The following C22orf23 variants were observed in gnomAD, a reference collection of about 807,000 sequenced individuals.
C22orf23 encodes the protein chromosome 22 open reading frame 23, also known as UPF0193 protein EVG1.
In C22orf23, 30 loss-of-function variants were observed where a neutral mutation model predicts 29.7. The observed-to-expected ratio is 1.01, with a 90% confidence interval of 0.76 to 1.37. C22orf23 has a LOEUF of 1.37. C22orf23 is among the 40% of genes most tolerant of loss of function. The pLI is 0.00. For synonymous variants in C22orf23, 90 were observed against 96.1 expected (o/e 0.94, Z 0.37); for missense variants, 237 against 273.1 (o/e 0.87, Z 0.93).
chr22:37,949,190 CT>C (rs993199716), intron 3 of C22orf23, among the ~76,000 whole-genome samples: 9 of 152,204 alleles, frequency 5.9e-5, no homozygotes, highest in Non-Finnish European at 1.0e-4. Context: ...CCTGGGGCTT[CT>C]CCCCCAGGCG....
At chr22:37,951,567 A>G in intron 2 of C22orf23, 45 bp from the exon 3 acceptor site, 1 of 1,562,554 alleles carries the variant, frequency 6.4e-7, no homozygotes, top group Non-Finnish European at 8.8e-7. Flanking sequence ...CTGCAGGCGG[A>G]TGCCTTCACC....
Position 37,953,064 on chromosome 22 carries a change from G to A in C22orf23, c.86C>T (p.Thr29Ile). Residue 29 changes from threonine to isoleucine, a missense_variant, in exon 2 of 7, where the codon ACC (threonine) becomes ATC (isoleucine). Physicochemically the swap from Thr to Ile is moderately conservative, Grantham distance 89. Coordinates refer to ENST00000403305, the MANE Select transcript of C22orf23 (RefSeq NM_032561.5). ...GGACTGACCTCTGAGCAGCTCGCAG[G>A]TCCCCGGGGTGTAAGTGATGGTCTT... ...RPKTITYTPG[T>I]CELLRVMMKE... The A allele has an allele frequency of 1.9e-6, 3 of 1,613,636 alleles. No homozygotes were observed. Among genetic ancestry groups the A allele is most frequent in the Non-Finnish European group, 2.5e-6 (3 of 1,179,764 alleles).
rs1930533465 is a variant in C22orf23 at position 37,943,880 on chromosome 22, G to A, written c.*295C>T. 3 of 485,164 alleles carry A rather than the reference G, an allele frequency of 6.2e-6. No homozygotes were observed. The highest frequency in any genetic ancestry group is 3.3e-5 in the Admixed American group (1 of 30,326). The allele number at this position is 485,164 out of a possible 1,614,324, so 30.1% of individuals were successfully genotyped here. On this transcript the variant is annotated 3_prime_UTR_variant, in exon 7 of 7. Coordinates refer to ENST00000403305, the MANE Select transcript of C22orf23 (RefSeq NM_032561.5). ...CAGAAAACTAAATGAACAGGCCACA[G>A]GTCAGAAGTGGTGGGAAGCAGGCCC...
In C22orf23 at chr22:37,944,481, G is replaced by A. The variant is rs1930573620; in HGVS notation, c.518C>T (p.Ala173Val). Residue 173 changes from alanine to valine, a missense_variant, in exon 6 of 7, where the codon GCT becomes GTT. Coordinates refer to ENST00000403305, the MANE Select transcript of C22orf23 (RefSeq NM_032561.5). ...KEIQERKEFL[A>V]DMEALGQGKQ... is the part of the protein sequence containing the mutation. ...GCCCTGTCCCAGGGCCTCCATGTCA[G>A]CCAGGAATTCTTTCCTCTCCTGGAT... 6.2e-7 allele frequency: 1 copy of A among 1,614,024 alleles called. No homozygotes were observed.
intron 3 of C22orf23, among the ~76,000 whole-genome samples, chr22:37,950,666 G>A (rs867181345): frequency 3.9e-5 from 6 of 152,004 alleles, no homozygotes; most frequent in African/African-American, 1.4e-4. Context: ...CAGCACTTTG[G>A]GAGGCCGAGG....
At chr22:37,949,449 ATTTTT>A (rs71195070) in intron 3 of C22orf23, among the ~76,000 whole-genome samples, 2 of 70,920 alleles carry the variant, frequency 2.8e-5, no homozygotes, top group African/African-American at 1.2e-4. Context: ...CGCCTGGCTA[ATTTTT>A]TTTTTTTTTT....
intron 3 of C22orf23, 37 bp downstream of exon 3, chr22:37,951,423 C>T: frequency 6.4e-7 from 1 of 1,572,242 alleles, no homozygotes; most frequent in Non-Finnish European, 8.7e-7. Flanking sequence ...GGCCCCAGAT[C>T]CCTCTGTCCA....
At position 37,947,284 on chromosome 22, in the gene C22orf23, T is replaced by TGGATTGA. The variant is rs752179765; in HGVS notation, c.345_346insTCAATCC (p.Thr116SerfsTer41). 32 of 1,613,966 alleles carry TGGATTGA rather than the reference T, an allele frequency of 2.0e-5. 2 individuals carry two copies. The African/African-American group carries it at 3.9e-4, about 20-fold the overall frequency. On this transcript the variant is annotated frameshift_variant, in exon 4 of 7. Coordinates refer to ENST00000403305, the MANE Select transcript of C22orf23 (RefSeq NM_032561.5). LOFTEE classifies it high-confidence loss of function. Reference sequence around the variant, plus strand: ...CCTAGCTGAGACCCTCACTTACTGGTGGCTTGAGGCTTGAACTGCTCCCGG... The same window carrying TGGATTGA: ...CCTAGCTGAGACCCTCACTTACTGGTGGATTGAGGCTTGAGGCTTGAACTGCTCCCGG...
At chr22:37,953,301 A>G (rs1045145518) in intron 1 of C22orf23, 143 bp from the exon 2 acceptor site, 12 of 607,478 alleles carry the variant, frequency 2.0e-5, no homozygotes, top group Non-Finnish European at 2.6e-5. Context: ...CAGTGCCCAA[A>G]CCTCCCATCC....
At position 37,944,011 on chromosome 22, in the gene C22orf23, C is replaced by T. The variant is rs1443348141; in HGVS notation, c.*164G>A. 1 of 678,650 alleles carries T rather than the reference C, an allele frequency of 1.5e-6. No individual in the cohort carries two copies. Among genetic ancestry groups the T allele is most frequent in the African/African-American group, 1.8e-5 (1 of 56,572 alleles). The allele number at this position is 678,650 out of a possible 1,614,324, so 42.0% of individuals were successfully genotyped here. On this transcript the variant is annotated 3_prime_UTR_variant, in exon 7 of 7. Transcript: ENST00000403305. ...CTCCATCTGCATTCCGGGGCAGGGG[C>T]TAGGCTGCTGAGTATGCCTTGGGGT...
intron 3 of C22orf23, 27 bp downstream of exon 3, chr22:37,951,433 A>G (rs766391851): frequency 3.1e-6 from 5 of 1,603,086 alleles, no homozygotes; most frequent in African/African-American, 2.7e-5. Context: ...CCCTCTGTCC[A>G]GGAAGCCTCT....
chr22:37,946,597 A>G (rs1423608268), intron 4 of C22orf23, among the ~76,000 whole-genome samples: 2 of 150,178 alleles, frequency 1.3e-5, no homozygotes, highest in Non-Finnish European at 3.0e-5. Flanking sequence ...AAAAAAAAAA[A>G]GGCCGGGAGC....
chr22:37,951,218 A>G, intron 3 of C22orf23: 1 of 406,272 alleles, frequency 2.5e-6, no homozygotes, highest in Non-Finnish European at 4.5e-6. Context: ...TCTCAAAAAA[A>G]AAAAAGGTTT....
At position 37,943,460 on chromosome 22, in the gene C22orf23, G is replaced by C. The variant is rs928363544; in HGVS notation, c.*715C>G. On this transcript the variant is annotated 3_prime_UTR_variant, in exon 7 of 7. Transcript: ENST00000403305. ...GCCAACTTTTAATCCTGAATGCACTGCTTGCCAGGTAAATGCCCTTGGTTG... is the reference window on the plus strand; with the variant it reads ...GCCAACTTTTAATCCTGAATGCACTCCTTGCCAGGTAAATGCCCTTGGTTG... 1.3e-5 allele frequency: 2 copies of C among 152,540 alleles called. No homozygotes were observed. Among genetic ancestry groups the C allele is most frequent in the African/African-American group, 4.8e-5 (2 of 41,452 alleles). The allele number at this position is 152,540 out of a possible 1,614,324, so 9.4% of individuals were successfully genotyped here.
chr22:37,948,752 T>C (rs1264853069), intron 3 of C22orf23, among the ~76,000 whole-genome samples: 1 of 152,234 alleles, frequency 6.6e-6, no homozygotes, highest in Non-Finnish European at 1.5e-5. Flanking sequence ...TCCTTCCTTT[T>C]TGATGCTTAT....
At chr22:37,947,502 C>CTTT (rs11359710) in intron 3 of C22orf23, 39 bp from the exon 4 acceptor site, 36 of 321,180 alleles carry the variant, frequency 1.1e-4, no homozygotes, top group Admixed American at 1.3e-4. Flanking sequence ...ACCCACATGG[C>CTTT]TTTTTTTTTT....
At position 37,947,301 on chromosome 22, in the gene C22orf23, T is replaced by C. The variant is rs1293439108; in HGVS notation, c.329A>G (p.Gln110Arg). The C allele has an allele frequency of 1.9e-6, 3 of 1,613,950 alleles. No individual in the cohort carries two copies. Among genetic ancestry groups the C allele is most frequent in the African/African-American group, 2.7e-5 (2 of 74,904 alleles). The change falls in exon 4 of 7, where the codon CAG becomes CGG. Residue 110 changes from glutamine (Q) to arginine (R), a missense_variant. Gln to Arg is a conservative substitution (Grantham distance 43). Transcript: ENST00000403305. ...CQANGAYSRE[Q>R]FKPQATRDLE... ...CTTACTGGTGGCTTGAGGCTTGAAC[T>C]GCTCCCGGCTGTAGGCCCCATTGGC...
At position 37,944,899 on chromosome 22, in the gene C22orf23, A is replaced by AAAAT. The variant is rs370662580; in HGVS notation, c.481+139_481+142dup. ...TGGGCAATAAGAGCAAGACTGTCTCAAAATAAATAAATAAATAAATAAATA... is the reference window on the plus strand; with the variant it reads ...TGGGCAATAAGAGCAAGACTGTCTCAAAATAAATAAATAAATAAATAAATAAATA... On this transcript the variant is annotated intron_variant, in intron 5 of 6. Coordinates refer to ENST00000403305, the MANE Select transcript of C22orf23 (RefSeq NM_032561.5). 5.6e-4 allele frequency: 517 copies of AAAAT among 917,344 alleles called. 1 individual carries two copies. Among genetic ancestry groups the AAAAT allele is most frequent in the African/African-American group, 2.8e-3 (165 of 58,040 alleles). The allele number at this position is 917,344 out of a possible 1,614,324, so 56.8% of individuals were successfully genotyped here. A position where few individuals can be genotyped will look rare whatever the true frequency, so the allele number is the denominator to read the frequency against.
rs1931156749 is a variant in C22orf23 at position 37,952,992 on chromosome 22, A to G, written c.103+55T>C. 3.7e-6 allele frequency: 5 copies of G among 1,362,058 alleles called. No homozygotes were observed. In the African/African-American group the frequency reaches 4.3e-5, roughly 12 times the overall value. The allele number at this position is 1,362,058 out of a possible 1,614,324, so 84.4% of individuals were successfully genotyped here. ...TCCGTCAGTGGAAAAATTGTCTTCC[A>G]CGAAACCGGTCCCTGGTGCCAAAAA... On this transcript the variant is annotated intron_variant, in intron 2 of 6. Transcript: ENST00000403305.
Sources: gnomAD v4.1 joint callset for allele counts (sites outside exome capture counted in the v4.1 genomes callset) on GRCh38, gnomAD v4.1.1 for gene constraint, MANE v1.5 for transcripts, NCBI Gene and HGNC (gene_info 2026-07-23, HGNC 2026-07-21) for gene names.